The following CLSTN2 variants were observed in gnomAD, a reference collection of about 807,000 sequenced individuals.
The protein encoded by CLSTN2 is calsyntenin-2.
Under a neutral mutation model 101.2 loss-of-function variants are expected in CLSTN2, and 48 were observed. That is an observed-to-expected ratio of 0.47 (90% CI 0.38 to 0.60). CLSTN2 has a LOEUF of 0.60. CLSTN2 is among the 20% of genes least tolerant of loss of function. The pLI is 0.00. For missense variants in CLSTN2, 1,160 were observed against 1,238.2 expected (o/e 0.94, Z 0.95); for synonymous variants, 481 against 463.6 (o/e 1.04, Z -0.48).
intron 1 of CLSTN2, among the ~76,000 whole-genome samples, chr3:140,052,842 A>G (rs947348737): frequency 6.6e-6 from 1 of 152,296 alleles, no homozygotes; most frequent in Non-Finnish European, 1.5e-5. Context: ...TGGGCACATT[A>G]CCTAACCTTC....
intron 2 of CLSTN2, among the ~76,000 whole-genome samples, chr3:140,362,242 AGTATAATATAT>A (rs1186987491): frequency 6.6e-6 from 1 of 152,212 alleles, no homozygotes; most frequent in Non-Finnish European, 1.5e-5. Flanking sequence ...AAATAGTGCT[AGTATAATATAT>A]CCACATGCAA....
intron 10 of CLSTN2, among the ~76,000 whole-genome samples, chr3:140,550,579 A>T (rs1935682773): frequency 6.6e-6 from 1 of 152,112 alleles, no homozygotes; most frequent in African/African-American, 2.4e-5. Flanking sequence ...GCATCTGCGT[A>T]GATCTTCTCT....
intron 1 of CLSTN2, among the ~76,000 whole-genome samples, chr3:139,964,880 C>T (rs544627868): frequency 2.6e-5 from 4 of 152,304 alleles, no homozygotes; most frequent in Admixed American, 6.5e-5. Context: ...TGTCCCATTA[C>T]GGCTGCCTCA....
chr3:140,237,096 TGTTTA>T (rs2086425400), intron 2 of CLSTN2, among the ~76,000 whole-genome samples: 1 of 152,162 alleles, frequency 6.6e-6, no homozygotes, highest in Non-Finnish European at 1.5e-5. Context: ...AACTTTATGT[TGTTTA>T]GTTAGTAGAT....
chr3:139,974,909 G>C (rs1935788612), intron 1 of CLSTN2, among the ~76,000 whole-genome samples: 1 of 152,158 alleles, frequency 6.6e-6, no homozygotes, highest in Non-Finnish European at 1.5e-5. Flanking sequence ...AGCGGAGGAG[G>C]AGAGTCAGGT....
At chr3:140,461,787 C>A (rs1933568679) in intron 7 of CLSTN2, among the ~76,000 whole-genome samples, 1 of 152,062 alleles carries the variant, frequency 6.6e-6, no homozygotes, top group Non-Finnish European at 1.5e-5. Flanking sequence ...GCATTCAGCA[C>A]CCCCAAATTA....
At chr3:140,368,713 A>G (rs1305581655) in intron 2 of CLSTN2, among the ~76,000 whole-genome samples, 1 of 152,104 alleles carries the variant, frequency 6.6e-6, no homozygotes, top group Non-Finnish European at 1.5e-5. Context: ...CTGTGCAAAG[A>G]CTGGTCAGGA....
Position 139,989,228 on chromosome 3 carries a change from C to T in CLSTN2, c.109+53745C>T, listed in dbSNP as rs371053534. Among the ~76,000 whole-genome samples, 21 of 152,296 alleles carry T rather than the reference C, an allele frequency of 1.4e-4. No individual in the cohort carries two copies. In the East Asian group the frequency reaches 1.9e-3, roughly 14 times the overall value. ...TTCCCATTTAGCCTCAGGCCTGGTGCAAAGCCTTGAGGACACTTTGCAGCC... is the reference window on the plus strand; with the variant it reads ...TTCCCATTTAGCCTCAGGCCTGGTGTAAAGCCTTGAGGACACTTTGCAGCC... On this transcript the variant is annotated intron_variant, in intron 1 of 16. Coordinates refer to ENST00000458420, the MANE Select transcript of CLSTN2 (RefSeq NM_022131.3).
rs182179012 is a variant in CLSTN2 at position 140,430,920 on chromosome 3, G to A, written c.787+9646G>A. On this transcript the variant is annotated intron_variant, in intron 5 of 16. Coordinates refer to ENST00000458420, the MANE Select transcript of CLSTN2 (RefSeq NM_022131.3). ...CAAATTCGTATCAGCCTATTCCAGA[G>A]GGCATCTTACTGTGTCAGAAGAAAG... Among the ~76,000 whole-genome samples the A allele has an allele frequency of 2.8e-4, 43 of 152,266 alleles. 1 individual carries two copies. The highest frequency in any genetic ancestry group is 8.7e-4 in the African/African-American group (36 of 41,558).
intron 5 of CLSTN2, among the ~76,000 whole-genome samples, chr3:140,439,449 A>G (rs1386424186): frequency 6.6e-6 from 1 of 152,238 alleles, no homozygotes; most frequent in Non-Finnish European, 1.5e-5. Flanking sequence ...TCACAGAGTC[A>G]GTCATCACAG....
Position 140,182,256 on chromosome 3 carries a change from C to T in CLSTN2, c.232+6183C>T, listed in dbSNP as rs556901574. On this transcript the variant is annotated intron_variant, in intron 2 of 16. Coordinates refer to ENST00000458420, the MANE Select transcript of CLSTN2 (RefSeq NM_022131.3). ...AGGATTGCTGGCTTTTCATTTTAGT[C>T]ATTCTCTTTTAAAATAAATGCACTA... Among the ~76,000 whole-genome samples the T allele has an allele frequency of 5.9e-5, 9 of 152,204 alleles. No individual in the cohort carries two copies. The South Asian group carries it at 1.7e-3, about 28-fold the overall frequency.
At chr3:140,308,819 A>G (rs1391750296) in intron 2 of CLSTN2, among the ~76,000 whole-genome samples, 3 of 152,212 alleles carry the variant, frequency 2.0e-5, no homozygotes, top group Non-Finnish European at 2.9e-5. Flanking sequence ...ATTTGTTGAC[A>G]TGTTAGAATC....
intron 1 of CLSTN2, among the ~76,000 whole-genome samples, chr3:139,998,537 G>A (rs959119614): frequency 2.3e-4 from 30 of 130,288 alleles, no homozygotes; most frequent in African/African-American, 7.3e-4. Flanking sequence ...GTAGAGACGG[G>A]GTTTCACCGT....
intron 2 of CLSTN2, among the ~76,000 whole-genome samples, chr3:140,342,346 A>G (rs1402151328): frequency 6.6e-6 from 1 of 151,984 alleles, no homozygotes; most frequent in Non-Finnish European, 1.5e-5. Flanking sequence ...CCCTTGGGGG[A>G]CAAAATCGCT....
intron 2 of CLSTN2, among the ~76,000 whole-genome samples, chr3:140,351,635 G>A (rs1011304078): frequency 6.6e-6 from 1 of 152,198 alleles, no homozygotes; most frequent in Admixed American, 6.5e-5. Context: ...GCACAAAGCA[G>A]CATAGGCAGT....
intron 5 of CLSTN2, among the ~76,000 whole-genome samples, chr3:140,446,282 C>T (rs1188182678): frequency 6.6e-6 from 1 of 152,124 alleles, no homozygotes; most frequent in East Asian, 1.9e-4. Flanking sequence ...CTCCTAAAGA[C>T]TTTGAGGAAA....
chr3:140,184,235 A>G (rs2010452840), intron 2 of CLSTN2, among the ~76,000 whole-genome samples: 1 of 152,186 alleles, frequency 6.6e-6, no homozygotes, highest in South Asian at 2.1e-4. Flanking sequence ...TACTTATGAG[A>G]AGTTTGTTAC....
At chr3:140,307,596 G>A (rs1394618094) in intron 2 of CLSTN2, among the ~76,000 whole-genome samples, 5 of 152,178 alleles carry the variant, frequency 3.3e-5, no homozygotes, top group Non-Finnish European at 5.9e-5. Context: ...TCACATCCAT[G>A]GGACTATGCC....
intron 1 of CLSTN2, among the ~76,000 whole-genome samples, chr3:140,065,874 A>C (rs535209321): frequency 6.6e-6 from 1 of 152,344 alleles, no homozygotes; most frequent in African/African-American, 2.4e-5. Context: ...TTATAATCCC[A>C]TGGAAGGATT....
Sources: allele counts gnomAD v4.1 joint callset (sites outside exome capture counted in the v4.1 genomes callset), GRCh38; gene constraint gnomAD v4.1.1; transcripts MANE v1.5; gene names NCBI Gene and HGNC (gene_info 2026-07-23, HGNC 2026-07-21).